The following AKNAD1 variants were observed in gnomAD, a reference collection of about 807,000 sequenced individuals.
AKNAD1 encodes protein AKNAD1.
Under a neutral mutation model 90.8 loss-of-function variants are expected in AKNAD1, and 67 were observed. The ratio of observed to expected loss-of-function variants is 0.74; its 90% confidence interval spans 0.61 to 0.90. AKNAD1 has a LOEUF of 0.90. AKNAD1 is among the 40% of genes least tolerant of loss of function. The probability of loss-of-function intolerance (pLI) is 0.00; values close to 1 mark genes in which losing one functional copy is unlikely to be tolerated. For missense variants in AKNAD1, 957 were observed against 975.4 expected (o/e 0.98, Z 0.25); for synonymous variants, 327 against 341.4 (o/e 0.96, Z 0.46).
intron 10 of AKNAD1, among the ~76,000 whole-genome samples, chr1:108,828,815 G>A (rs928744588): frequency 6.6e-6 from 1 of 151,792 alleles, no homozygotes; most frequent in Non-Finnish European, 1.5e-5. Flanking sequence ...AGTGCATGCA[G>A]TCCAACACAG....
chr1:108,838,531 T>C (rs985302461), intron 6 of AKNAD1, among the ~76,000 whole-genome samples: 1 of 151,578 alleles, frequency 6.6e-6, no homozygotes, highest in African/African-American at 2.4e-5. Context: ...AAATCAAAAA[T>C]CAATCAACTA....
Position 108,815,973 on chromosome 1 carries a change from CTTTTGA to C in AKNAD1, c.*192_*197del, listed in dbSNP as rs1663581247. The C allele has an allele frequency of 8.1e-6, 3 of 368,886 alleles. No individual in the cohort carries two copies. Among genetic ancestry groups the C allele is most frequent in the Admixed American group, 4.7e-5 (1 of 21,362 alleles). 22.9% of individuals were successfully genotyped at this position (368,886 alleles called of 1,614,324 possible). Reference sequence around the variant, plus strand: ...TTTTAAAATAAATACTTGTTGGTTGCTTTTGATTTTAAGAATCAGAAGTCCTTTCTT... The same window carrying C: ...TTTTAAAATAAATACTTGTTGGTTGCTTTTAAGAATCAGAAGTCCTTTCTT... On this transcript the variant is annotated 3_prime_UTR_variant, in exon 16 of 16. Transcript: ENST00000370001.
Position 108,823,435 on chromosome 1 carries a change from T to C in AKNAD1, c.2102A>G (p.Asn701Ser). The C allele has an allele frequency of 6.2e-7, 1 of 1,614,194 alleles. No individual in the cohort carries two copies. The highest frequency in any genetic ancestry group is 1.3e-5 in the African/African-American group (1 of 75,046). The change falls in exon 13 of 16, where the codon AAT (asparagine) becomes AGT (serine). Residue 701 changes from asparagine to serine, a missense_variant. Coordinates refer to ENST00000370001, the MANE Select transcript of AKNAD1 (RefSeq NM_152763.5). The stretch of plus-strand genomic sequence containing the variant: ...GACAAAGGCACCTCTTTTGCTATGA[T>C]TTGAGTAATTCTGTCCTGGAGTGTT... ...RYNTPGQNYS[N>S]HSKRGAFVQP...
At chr1:108,840,835 G>C (rs993152453) in intron 6 of AKNAD1, among the ~76,000 whole-genome samples, 1 of 152,092 alleles carries the variant, frequency 6.6e-6, no homozygotes, top group Admixed American at 6.6e-5. Context: ...GATCTTGCAG[G>C]CAGAAGAGAA....
rs573688988 is a variant in AKNAD1, at chr1:108,839,456, G to A, written c.1380-1750C>T. Among the ~76,000 whole-genome samples, 7 of 59,128 alleles carry A rather than the reference G, an allele frequency of 1.2e-4. No homozygotes were observed. The East Asian group carries it at 1.8e-3, about 15-fold the overall frequency. 38.8% of individuals were successfully genotyped at this position (59,128 alleles called of 152,430 possible). ...CCACTGCACTCCAGCCTGGAGGAGC[G>A]AGACTCCGTCTCAATAAAAAAAAAA... On this transcript the variant is annotated intron_variant, in intron 6 of 15. Transcript: ENST00000370001.
In AKNAD1 at chr1:108,823,364, A is replaced by G. The variant is rs1005968241; in HGVS notation, c.2167+6T>C. 1.3e-6 allele frequency: 2 copies of G among 1,597,540 alleles called. No individual in the cohort carries two copies. The highest frequency in any genetic ancestry group is 2.2e-5 in the East Asian group (1 of 44,794). On this transcript the variant is annotated splice_donor_region_variant and intron_variant, in intron 13 of 15. Transcript: ENST00000370001. ...ATGGATGGGGTCATGCAGGAGATGT[A>G]CTTACAGGGTGAAGAGTTTTTACTT...
intron 6 of AKNAD1, among the ~76,000 whole-genome samples, chr1:108,841,915 C>T (rs1321386616): frequency 1.3e-5 from 2 of 152,124 alleles, no homozygotes; most frequent in Non-Finnish European, 2.9e-5. Flanking sequence ...TTTATTTATA[C>T]TCATGCCAGG....
chr1:108,855,109 T>C (rs1021772078), intron 1 of AKNAD1, among the ~76,000 whole-genome samples: 5 of 152,180 alleles, frequency 3.3e-5, no homozygotes, highest in Admixed American at 3.3e-4. Context: ...AAGGAAGGAA[T>C]TGCATATGTA....
Position 108,851,961 on chromosome 1 carries a change from T to G in AKNAD1, c.704A>C (p.Lys235Thr), listed in dbSNP as rs772310438. The G allele has an allele frequency of 7.4e-6, 12 of 1,614,230 alleles. No individual in the cohort carries two copies. Among genetic ancestry groups the G allele is most frequent in the Non-Finnish European group, 9.3e-6 (11 of 1,180,046 alleles). Residue 235 changes from lysine (K) to threonine (T), a missense_variant, in exon 2 of 16, where the codon AAA (lysine) becomes ACA (threonine). Lys to Thr is a moderately conservative substitution (Grantham distance 78). Transcript: ENST00000370001. ...TGAATTTGCTTTTTCAGTCTGCTGT[T>G]TCTGGGGTGACTGCCCTTGATAACT... Reference protein sequence around the residue: ...QKSYQGQSPQKQQTEKANSGN... With the variant: ...QKSYQGQSPQTQQTEKANSGN...
At chr1:108,823,096 T>C (rs957852569) in intron 13 of AKNAD1, 1 of 663,992 alleles carries the variant, frequency 1.5e-6, no homozygotes, top group South Asian at 1.7e-5. Context: ...AGCAAACATT[T>C]ATGGGTTGCT....
In AKNAD1 at chr1:108,848,754, G is replaced by T; in HGVS notation, c.1243C>A (p.Leu415Met). Residue 415 changes from leucine to methionine, a missense_variant and splice_region_variant, in exon 5 of 16, where the codon CTG (leucine) becomes ATG (methionine). By Grantham distance (15) the Leu-to-Met change is conservative (BLOSUM62 2). Transcript: ENST00000370001. ...DSPYHLQDKKLVLEKLQGHLE... is the reference protein window; with the variant it reads ...DSPYHLQDKKMVLEKLQGHLE... ...AAAAACGGGATAAAATTCATTACCA[G>T]CTTCTTGTCTTGCAAATGGTAAGGA... The T allele has an allele frequency of 6.2e-7, 1 of 1,605,338 alleles. No individual in the cohort carries two copies. The highest frequency in any genetic ancestry group is 8.5e-7 in the Non-Finnish European group (1 of 1,177,810).
intron 13 of AKNAD1, among the ~76,000 whole-genome samples, chr1:108,822,603 C>G (rs887863169): frequency 6.6e-6 from 1 of 152,154 alleles, no homozygotes; most frequent in African/African-American, 2.4e-5. Flanking sequence ...CACTGACCAT[C>G]AAGAAAGATA....
chr1:108,818,369 C>A (rs1220142046), intron 14 of AKNAD1, among the ~76,000 whole-genome samples: 2 of 152,156 alleles, frequency 1.3e-5, no homozygotes, highest in African/African-American at 4.8e-5. Flanking sequence ...TGGATTGATC[C>A]TCCAGGCAAG....
chr1:108,825,702 T>C (rs1663975058), intron 11 of AKNAD1, among the ~76,000 whole-genome samples: 1 of 151,678 alleles, frequency 6.6e-6, no homozygotes, highest in Non-Finnish European at 1.5e-5. Flanking sequence ...AGTCATTTTT[T>C]GCTTGTGCAA....
At chr1:108,834,776 G>A (rs1664327201) in intron 8 of AKNAD1, among the ~76,000 whole-genome samples, 153 bp downstream of exon 8, 2 of 152,042 alleles carry the variant, frequency 1.3e-5, no homozygotes, top group African/African-American at 4.8e-5. Context: ...CCCTGCTGGT[G>A]GGGCAGGTGA....
At chr1:108,848,658 C>A (rs934837500) in intron 5 of AKNAD1, 94 bp downstream of exon 5, 2 of 1,123,168 alleles carry the variant, frequency 1.8e-6, no homozygotes, top group African/African-American at 3.1e-5. Flanking sequence ...CCACTCCCAC[C>A]ACTGTAGAGA....
At chr1:108,839,754 C>T (rs530952848) in intron 6 of AKNAD1, among the ~76,000 whole-genome samples, 2 of 152,264 alleles carry the variant, frequency 1.3e-5, no homozygotes, top group South Asian at 4.1e-4. Flanking sequence ...TTTTATGGCT[C>T]ACGCTGGTAA....
At chr1:108,849,623 T>C in intron 2 of AKNAD1, 47 bp from the exon 3 acceptor site, 1 of 1,324,932 alleles carries the variant, frequency 7.5e-7, no homozygotes, top group East Asian at 2.3e-5. Context: ...TATTGATCAA[T>C]GACACCACCG....
intron 13 of AKNAD1, among the ~76,000 whole-genome samples, chr1:108,821,327 T>A (rs1456959357): frequency 6.6e-6 from 1 of 152,070 alleles, no homozygotes; most frequent in African/African-American, 2.4e-5. Flanking sequence ...GGTGGGTGCC[T>A]GTAATCCCAG....
Sources: allele counts gnomAD v4.1 joint callset (sites outside exome capture counted in the v4.1 genomes callset), GRCh38; gene constraint gnomAD v4.1.1; transcripts MANE v1.5; gene names NCBI Gene and HGNC (gene_info 2026-07-23, HGNC 2026-07-21).